The following MTMR2 variants were observed in gnomAD, a reference collection of about 807,000 sequenced individuals.
MTMR2 encodes the protein myotubularin related protein 2.
A neutral mutation model predicts 86.9 loss-of-function variants in MTMR2; 55 were observed. The ratio of observed to expected loss-of-function variants is 0.63; its 90% confidence interval spans 0.51 to 0.79. The LOEUF (loss-of-function observed/expected upper bound fraction) is 0.79. Ranked by LOEUF, MTMR2 falls within the 30% of genes least tolerant of loss-of-function variation. The pLI, the probability that MTMR2 is intolerant of heterozygous loss-of-function variation, is 0.00. For missense variants in MTMR2, 659 were observed against 772.3 expected, an observed-to-expected ratio of 0.85 and a Z score of 1.74; for synonymous variants, 241 against 266.8, an observed-to-expected ratio of 0.90 and a Z score of 0.94.
At chr11:95,857,155 A>G (rs1864243999) in intron 7 of MTMR2, among the ~76,000 whole-genome samples, 1 of 152,164 alleles carries the variant, frequency 6.6e-6, no homozygotes, top group Admixed American at 6.5e-5. Context: ...GCTACGTTTG[A>G]AATTTAAATA....
chr11:95,886,679 T>A (rs757805049), intron 2 of MTMR2, among the ~76,000 whole-genome samples: 13 of 152,284 alleles, frequency 8.5e-5, no homozygotes, highest in Admixed American at 2.6e-4. Flanking sequence ...ATAAGTGACA[T>A]CCCTTCATTC....
chr11:95,836,124 C>T (rs1863264376), intron 14 of MTMR2, 24 bp downstream of exon 14: 1 of 1,585,038 alleles, frequency 6.3e-7, no homozygotes, highest in African/African-American at 1.3e-5. Context: ...TGAAAACTCC[C>T]ATTGTATATT....
At chr11:95,918,663 G>T (rs1017248282) in intron 1 of MTMR2, among the ~76,000 whole-genome samples, 1 of 152,074 alleles carries the variant, frequency 6.6e-6, no homozygotes, top group African/African-American at 2.4e-5. Flanking sequence ...CAAGGTTGTA[G>T]GTTCAATCTG....
rs1171662829 is a variant in MTMR2 at position 95,834,095 on chromosome 11, A to G, written c.*1195T>C. The G allele has an allele frequency of 2.0e-5, 3 of 152,550 alleles. No individual in the cohort carries two copies. Among genetic ancestry groups the G allele is most frequent in the Admixed American group, 6.6e-5 (1 of 15,246 alleles). The allele number at this position is 152,550 out of a possible 1,614,324, so 9.4% of individuals were successfully genotyped here. On this transcript the variant is annotated 3_prime_UTR_variant, in exon 15 of 15. Coordinates refer to ENST00000346299, the MANE Select transcript of MTMR2 (RefSeq NM_016156.6). ...GCAACTTTGGACAAGAACAAAGTTT[A>G]AAAGTCAGTTGGAATTTCTTTTAAT...
At position 95,844,474 on chromosome 11, in the gene MTMR2, A is replaced by C. The variant is rs147465489; in HGVS notation, c.1386+479T>G. Among the ~76,000 whole-genome samples, 281 of 152,262 alleles carry C rather than the reference A, an allele frequency of 1.8e-3. 1 individual carries two copies. Among genetic ancestry groups the C allele is most frequent in the Non-Finnish European group, 3.3e-3 (224 of 68,016 alleles). ...AGGGCCAACTTTACATGGTCCCAGC[A>C]GGGCCAGCTTCAGAACTTGAATATG... is the stretch of plus-strand genomic sequence containing the variant. On this transcript the variant is annotated intron_variant, in intron 11 of 14. Coordinates refer to ENST00000346299, the MANE Select transcript of MTMR2 (RefSeq NM_016156.6).
intron 2 of MTMR2, among the ~76,000 whole-genome samples, chr11:95,871,747 A>C (rs1006706155): frequency 6.6e-5 from 10 of 152,172 alleles, no homozygotes; most frequent in South Asian, 2.1e-4. Flanking sequence ...AATTAGATGC[A>C]ATTTGTCAAT....
intron 1 of MTMR2, among the ~76,000 whole-genome samples, chr11:95,902,867 C>A (rs533820781): frequency 9.5e-4 from 144 of 152,228 alleles, no homozygotes; most frequent in African/African-American, 3.4e-3. Context: ...CTCTAAAAAC[C>A]CCAAGTATTC....
At chr11:95,847,161 A>G (rs482390) in intron 10 of MTMR2, among the ~76,000 whole-genome samples, 2,099 of 152,280 alleles carry the variant, frequency 0.014, 22 homozygotes, top group South Asian at 0.023. Context: ...GGCTCATGCA[A>G]CCACTCCACC....
chr11:95,859,377 T>C (rs1864322291), intron 5 of MTMR2, among the ~76,000 whole-genome samples: 1 of 152,230 alleles, frequency 6.6e-6, no homozygotes, highest in Non-Finnish European at 1.5e-5. Flanking sequence ...TCCGGTTTAC[T>C]GGTATCTTAA....
At position 95,895,802 on chromosome 11, in the gene MTMR2, C is replaced by T. The variant is rs994014903; in HGVS notation, c.81-7541G>A. 2.6e-5 allele frequency among the ~76,000 whole-genome samples: 4 copies of T among 151,968 alleles called. No homozygotes were observed. In the East Asian group the frequency reaches 5.8e-4, roughly 22 times the overall value. ...ATTTTTCCACACACAAAAAAACCCA[C>T]GATTATTTACCAGAGAAAAACAAAA... is the stretch of plus-strand genomic sequence containing the variant. On this transcript the variant is annotated intron_variant, in intron 1 of 14. Transcript: ENST00000346299.
intron 2 of MTMR2, among the ~76,000 whole-genome samples, chr11:95,866,810 A>C (rs534727738): frequency 6.6e-6 from 1 of 151,220 alleles, no homozygotes; most frequent in East Asian, 1.9e-4. Flanking sequence ...CATATACAAA[A>C]ATATAGACTT....
intron 5 of MTMR2, among the ~76,000 whole-genome samples, chr11:95,861,446 C>T (rs1864419705): frequency 7.8e-6 from 1 of 128,584 alleles, no homozygotes; most frequent in African/African-American, 3.3e-5. Context: ...TTATTTCAGA[C>T]AGAGTCTTAC....
rs77263414 is a variant in MTMR2 at position 95,908,786 on chromosome 11, C to T, written c.80+15089G>A. 2.6e-3 allele frequency among the ~76,000 whole-genome samples: 390 copies of T among 152,032 alleles called. 1 individual carries two copies. The highest frequency in any genetic ancestry group is 5.7e-3 in the Admixed American group (87 of 15,252). On this transcript the variant is annotated intron_variant, in intron 1 of 14. Coordinates refer to ENST00000346299, the MANE Select transcript of MTMR2 (RefSeq NM_016156.6). ...TGGTGCTGTGAGGGGGTTATCTATA[C>T]GTAGATTGAAACTGGAACCCTTAGA...
chr11:95,837,738 A>G (rs1173112323), intron 13 of MTMR2, among the ~76,000 whole-genome samples: 1 of 152,084 alleles, frequency 6.6e-6, no homozygotes, highest in Non-Finnish European at 1.5e-5. Flanking sequence ...TCACTCGAAT[A>G]TACATTTTCT....
At chr11:95,871,254 G>C (rs1305836565) in intron 2 of MTMR2, among the ~76,000 whole-genome samples, 1 of 152,192 alleles carries the variant, frequency 6.6e-6, no homozygotes, top group Admixed American at 6.5e-5. Flanking sequence ...TATATACCCA[G>C]TAATGGGATG....
intron 9 of MTMR2, among the ~76,000 whole-genome samples, chr11:95,849,389 T>A (rs1357838455): frequency 6.6e-6 from 1 of 152,136 alleles, no homozygotes; most frequent in African/African-American, 2.4e-5. Context: ...GAACACCTAG[T>A]TATTATGTAA....
chr11:95,885,086 T>C (rs1865468687), intron 2 of MTMR2, among the ~76,000 whole-genome samples: 1 of 152,058 alleles, frequency 6.6e-6, no homozygotes, highest in Admixed American at 6.6e-5. Flanking sequence ...ATTGAAACAA[T>C]TCCTGCAAAC....
intron 12 of MTMR2, among the ~76,000 whole-genome samples, chr11:95,839,075 T>G (rs922481907): frequency 9.9e-5 from 15 of 152,064 alleles, no homozygotes; most frequent in Non-Finnish European, 2.2e-4. Context: ...CTTAGATCCC[T>G]TCCTTTATAG....
chr11:95,917,990 T>G (rs771393367), intron 1 of MTMR2, among the ~76,000 whole-genome samples: 8 of 152,246 alleles, frequency 5.3e-5, no homozygotes, highest in Non-Finnish European at 1.2e-4. Flanking sequence ...TCTTGTTTTA[T>G]GTTACTCAAA....
Sources: allele counts gnomAD v4.1 joint callset (sites outside exome capture counted in the v4.1 genomes callset), GRCh38; gene constraint gnomAD v4.1.1; transcripts MANE v1.5; gene names NCBI Gene and HGNC (gene_info 2026-07-23, HGNC 2026-07-21).